GAS2: variants seen among roughly 807,000 people sequenced by gnomAD.
GAS2 encodes the protein growth arrest specific 2, also known as growth arrest-specific protein 2.
A neutral mutation model predicts 37.5 loss-of-function variants in GAS2; 20 were observed. The ratio of observed to expected loss-of-function variants is 0.53; its 90% CI spans 0.37 to 0.77. The LOEUF is 0.77. Among genes scored for constraint, GAS2 ranks in the 30% least tolerant of loss-of-function variants. The probability of loss-of-function intolerance (pLI) is 0.00; values close to 1 mark genes in which losing one functional copy is unlikely to be tolerated. For missense variants in GAS2, 336 were observed against 373.4 expected, an observed-to-expected ratio of 0.90 and a Z score of 0.82; for synonymous variants, 144 against 132.2, an observed-to-expected ratio of 1.09 and a Z score of -0.61.
intron 7 of GAS2, among the ~76,000 whole-genome samples, chr11:22,763,498 A>G (rs545370189): frequency 6.6e-6 from 1 of 152,268 alleles, no homozygotes; most frequent in African/African-American, 2.4e-5. Context: ...GAAAATGTAA[A>G]GGAGTTTTAA....
chr11:22,726,547 T>C, intron 4 of GAS2, 114 bp downstream of exon 4: 1 of 845,626 alleles, frequency 1.2e-6, no homozygotes, highest in Non-Finnish European at 1.9e-6. Flanking sequence ...ATTATTAGCT[T>C]AAAAAGTCTG....
intron 7 of GAS2, among the ~76,000 whole-genome samples, chr11:22,782,766 C>CTTTTTTTTTTTTTTTTTT (rs34122574): frequency 8.8e-6 from 1 of 113,840 alleles, no homozygotes. Context: ...TGATTTTGTT[C>CTTTTTTTTTTTTTTTTTT]TTTTTTTTTT....
intron 1 of GAS2, among the ~76,000 whole-genome samples, chr11:22,660,792 T>G (rs1848907617): frequency 6.6e-6 from 1 of 152,194 alleles, no homozygotes; most frequent in Non-Finnish European, 1.5e-5. Flanking sequence ...ATGGCAATAT[T>G]CCTTTATGCT....
intron 7 of GAS2, among the ~76,000 whole-genome samples, chr11:22,773,140 TCTC>T (rs1855072959): frequency 6.6e-6 from 1 of 152,038 alleles, no homozygotes; most frequent in African/African-American, 2.4e-5. Context: ...CATAATTCTT[TCTC>T]CTCCTAGAGG....
chr11:22,679,695 A>G (rs1849587348), intron 2 of GAS2, among the ~76,000 whole-genome samples: 2 of 152,154 alleles, frequency 1.3e-5, no homozygotes, highest in Admixed American at 1.3e-4. Flanking sequence ...GTCTAATGCT[A>G]TATAAATTAC....
chr11:22,811,541 A>C (rs1039495318), intron 7 of GAS2, among the ~76,000 whole-genome samples: 15 of 152,186 alleles, frequency 9.9e-5, no homozygotes, highest in African/African-American at 3.6e-4. Context: ...ACATTAAACC[A>C]AAGAATTATA....
At chr11:22,712,324 C>G (rs1485781950) in intron 3 of GAS2, among the ~76,000 whole-genome samples, 1 of 152,192 alleles carries the variant, frequency 6.6e-6, no homozygotes, top group Non-Finnish European at 1.5e-5. Flanking sequence ...TCCGCCAGAG[C>G]AGGTTCCGGC....
chr11:22,673,961 T>TA (rs1476819588), intron 1 of GAS2, among the ~76,000 whole-genome samples: 1 of 152,150 alleles, frequency 6.6e-6, no homozygotes, highest in Non-Finnish European at 1.5e-5. Flanking sequence ...AGTGGAAAGA[T>TA]AAAAAACAAG....
chr11:22,747,573 A>G (rs1328468146), intron 5 of GAS2, among the ~76,000 whole-genome samples: 1 of 152,050 alleles, frequency 6.6e-6, no homozygotes, highest in African/African-American at 2.4e-5. Flanking sequence ...CTGAATTCTG[A>G]AAAAAATAGA....
intron 3 of GAS2, among the ~76,000 whole-genome samples, chr11:22,687,370 T>C (rs1371786187): frequency 6.6e-6 from 1 of 152,162 alleles, no homozygotes; most frequent in Non-Finnish European, 1.5e-5. Flanking sequence ...CTCGATCCCA[T>C]GCCTGAACAT....
intron 1 of GAS2, among the ~76,000 whole-genome samples, chr11:22,671,048 C>G (rs139608492): frequency 9.1e-4 from 139 of 152,220 alleles, no homozygotes; most frequent in African/African-American, 3.2e-3. Flanking sequence ...AGAGTCAAAA[C>G]TATGATGTCT....
At chr11:22,682,605 C>T (rs1460811012) in intron 2 of GAS2, among the ~76,000 whole-genome samples, 3 of 152,004 alleles carry the variant, frequency 2.0e-5, no homozygotes, top group East Asian at 1.9e-4. Flanking sequence ...TGTGGCCTGG[C>T]GTGGTGCCTT....
intron 3 of GAS2, among the ~76,000 whole-genome samples, chr11:22,717,506 C>G (rs969627911): frequency 2.6e-5 from 4 of 151,744 alleles, no homozygotes; most frequent in South Asian, 4.2e-4. Flanking sequence ...TCTAAGACGA[C>G]CTGAAACTGT....
intron 2 of GAS2, among the ~76,000 whole-genome samples, chr11:22,682,670 C>G (rs11026732): frequency 0.99 from 151,015 of 152,010 alleles, 75,021 homozygotes; most frequent in Middle Eastern, 1. Flanking sequence ...ACTAGGTCAA[C>G]AGATCGAGAC....
intron 1 of GAS2, among the ~76,000 whole-genome samples, chr11:22,647,965 T>G (rs1848723287): frequency 6.6e-6 from 1 of 152,156 alleles, no homozygotes; most frequent in African/African-American, 2.4e-5. Flanking sequence ...TTGTTGCCAT[T>G]GCTTTTGGTG....
At chr11:22,799,527 C>G (rs1034924452) in intron 7 of GAS2, among the ~76,000 whole-genome samples, 1 of 152,026 alleles carries the variant, frequency 6.6e-6, no homozygotes, top group African/African-American at 2.4e-5. Flanking sequence ...TCAATACAAT[C>G]TCCCACTTTC....
At chr11:22,774,181 A>G (rs919633637) in intron 7 of GAS2, among the ~76,000 whole-genome samples, 2 of 151,944 alleles carry the variant, frequency 1.3e-5, no homozygotes, top group African/African-American at 4.8e-5. Flanking sequence ...TTTAGTGGAG[A>G]TGGGGTTTCA....
intron 3 of GAS2, among the ~76,000 whole-genome samples, chr11:22,690,576 T>C (rs181769336): frequency 6.6e-6 from 1 of 152,346 alleles, no homozygotes; most frequent in Admixed American, 6.5e-5. Context: ...CATTTATACA[T>C]ACTATAATAT....
intron 1 of GAS2, among the ~76,000 whole-genome samples, chr11:22,657,357 G>T (rs1348581460): frequency 6.6e-6 from 1 of 152,184 alleles, no homozygotes; most frequent in Non-Finnish European, 1.5e-5. Context: ...TCTCCTCCCT[G>T]TGGATTTGCT....
Sources: allele counts gnomAD v4.1 joint callset (sites outside exome capture counted in the v4.1 genomes callset), GRCh38; gene constraint gnomAD v4.1.1; transcripts MANE v1.5; gene names NCBI Gene and HGNC (gene_info 2026-07-23, HGNC 2026-07-21).